CLASP1: variants seen among roughly 807,000 people sequenced by gnomAD.
CLASP1 encodes CLIP-associating protein 1.
A neutral mutation model predicts 192.3 loss-of-function variants in CLASP1; 38 were observed. That is an observed-to-expected ratio of 0.20 (90% CI 0.15 to 0.26). The LOEUF (loss-of-function observed/expected upper bound fraction) is 0.26, where lower values mean the gene tolerates loss of function less well. Ranked by LOEUF, CLASP1 falls within the 10% of genes least tolerant of loss-of-function variation. The pLI is 1.00. For synonymous variants in CLASP1, 691 were observed against 712.8 expected (o/e 0.97, Z 0.49); for missense variants, 1,433 against 1,932.5 (o/e 0.74, Z 4.85).
chr2:121,465,431 G>C (rs1478294481), intron 9 of CLASP1, among the ~76,000 whole-genome samples: 1 of 152,124 alleles, frequency 6.6e-6, no homozygotes, highest in Non-Finnish European at 1.5e-5. Flanking sequence ...TTGCTTCAAA[G>C]ATAATAAAAT....
chr2:121,430,818 G>C (rs772636714), intron 19 of CLASP1, among the ~76,000 whole-genome samples: 2 of 152,158 alleles, frequency 1.3e-5, no homozygotes, highest in South Asian at 4.2e-4. Flanking sequence ...TCAGTATTAG[G>C]AGTACCTAGA....
At chr2:121,554,983 A>C (rs2058406257) in intron 2 of CLASP1, among the ~76,000 whole-genome samples, 1 of 152,178 alleles carries the variant, frequency 6.6e-6, no homozygotes, top group African/African-American at 2.4e-5. Context: ...CCTGCCCCAA[A>C]CAAGTATTTC....
intron 2 of CLASP1, among the ~76,000 whole-genome samples, chr2:121,574,775 A>G (rs1225738942): frequency 6.6e-6 from 1 of 152,114 alleles, no homozygotes; most frequent in East Asian, 1.9e-4. Context: ...TGTCTCTACT[A>G]GAAATACAAA....
chr2:121,447,669 G>C (rs1002973514), intron 18 of CLASP1, among the ~76,000 whole-genome samples, 162 bp from the exon 19 acceptor site: 1 of 152,214 alleles, frequency 6.6e-6, no homozygotes, highest in African/African-American at 2.4e-5. Context: ...TCCCTGAAGA[G>C]AGTTCAGGCA....
intron 7 of CLASP1, among the ~76,000 whole-genome samples, chr2:121,507,687 C>G (rs930252913): frequency 9.2e-5 from 14 of 152,092 alleles, no homozygotes; most frequent in Non-Finnish European, 5.9e-5. Flanking sequence ...CTACTCCAAA[C>G]AGGATAAACT....
intron 2 of CLASP1, among the ~76,000 whole-genome samples, chr2:121,554,454 TAAAAAAAAAAAAA>T (rs56965310): frequency 2.5e-4 from 22 of 87,534 alleles, no homozygotes; most frequent in African/African-American, 8.4e-4. Context: ...CTACAAAAAG[TAAAAAAAAAAAAA>T]AAAAAAAAAA....
chr2:121,397,389 T>A, intron 29 of CLASP1, 106 bp from the exon 31 acceptor site: 2 of 914,780 alleles, frequency 2.2e-6, no homozygotes, highest in Non-Finnish European at 3.3e-6. Flanking sequence ...GGGGATCTCC[T>A]TCCTTTCTCC....
intron 2 of CLASP1, among the ~76,000 whole-genome samples, chr2:121,551,273 C>T (rs987881950): frequency 2.6e-5 from 4 of 152,164 alleles, no homozygotes; most frequent in African/African-American, 9.7e-5. Flanking sequence ...TAGAAGCATT[C>T]CCCTTGAAAA....
intron 1 of CLASP1, among the ~76,000 whole-genome samples, chr2:121,620,183 T>C (rs192974414): frequency 0.012 from 1,749 of 149,210 alleles, 22 homozygotes; most frequent in African/African-American, 0.041. Context: ...ATCGTGCCGC[T>C]GCACTCCAGC....
chr2:121,470,177 C>T lies in CLASP1; in HGVS notation c.713-217G>A, dbSNP rs1366339988. On this transcript the variant is annotated intron_variant, in intron 8 of 39. Coordinates refer to ENST00000263710, the Ensembl canonical transcript of CLASP1. ...TACTTGCTTTCACATACCCAGAATA[C>T]TTTTGCACTCAAATTTTGAAAAATA... is the stretch of plus-strand genomic sequence containing the variant. 6.5e-6 allele frequency: 4 copies of T among 612,732 alleles called. No individual in the cohort carries two copies. The Admixed American group carries it at 8.6e-5, about 13-fold the overall frequency. The allele number at this position is 612,732 out of a possible 1,614,324, so 38.0% of individuals were successfully genotyped here. A position where few individuals can be genotyped will look rare whatever the true frequency, so the allele number is the denominator to read the frequency against.
chr2:121,347,016 G>T, intron 39 of CLASP1, 22 bp downstream of exon 40: 2 of 1,442,836 alleles, frequency 1.4e-6, no homozygotes, highest in Non-Finnish European at 1.9e-6. Flanking sequence ...GTGCGTATCA[G>T]CCCAGGTAAC....
intron 8 of CLASP1, among the ~76,000 whole-genome samples, chr2:121,485,311 G>C (rs1386003285): frequency 6.6e-6 from 1 of 152,168 alleles, no homozygotes; most frequent in Non-Finnish European, 1.5e-5. Context: ...CAGGAAAAGG[G>C]GCCCTACAAA....
At chr2:121,646,703 A>T (rs561608036) in intron 1 of CLASP1, among the ~76,000 whole-genome samples, 2 of 152,206 alleles carry the variant, frequency 1.3e-5, no homozygotes. Context: ...ATAAATCAAG[A>T]CACTAAGCTA....
At position 121,535,094 on chromosome 2, in the gene CLASP1, G is replaced by A. The variant is rs552716524; in HGVS notation, c.196-4769C>T. The stretch of plus-strand genomic sequence containing the variant: ...GGAGTTCAAGACTAGCCTGGGCAAC[G>A]TGGCGAAATGCCACCTCTACGAAAA... On this transcript the variant is annotated intron_variant, in intron 2 of 39. Transcript: ENST00000263710. Among the ~76,000 whole-genome samples the A allele has an allele frequency of 1.6e-3, 242 of 152,274 alleles. 1 individual carries two copies. Among genetic ancestry groups the A allele is most frequent in the African/African-American group, 5.7e-3 (236 of 41,564 alleles).
intron 1 of CLASP1, among the ~76,000 whole-genome samples, chr2:121,637,028 T>C (rs2071008094): frequency 6.6e-6 from 1 of 152,164 alleles, no homozygotes; most frequent in Admixed American, 6.5e-5. Flanking sequence ...CAGAGTGATG[T>C]CCACTCCTCA....
At chr2:121,565,497 T>C (rs2059423274) in intron 2 of CLASP1, among the ~76,000 whole-genome samples, 1 of 152,166 alleles carries the variant, frequency 6.6e-6, no homozygotes, top group South Asian at 2.1e-4. Flanking sequence ...TTTTAAACCC[T>C]CTCTAAATGA....
At chr2:121,431,913 G>A (rs1183888069) in intron 19 of CLASP1, among the ~76,000 whole-genome samples, 4 of 151,808 alleles carry the variant, frequency 2.6e-5, no homozygotes, top group African/African-American at 4.8e-5. Flanking sequence ...GATAAAGAAC[G>A]GATATACTTT....
intron 1 of CLASP1, among the ~76,000 whole-genome samples, chr2:121,611,759 TGGA>T (rs1288937666): frequency 1.1e-4 from 12 of 107,822 alleles, no homozygotes; most frequent in African/African-American, 2.1e-4. Flanking sequence ...AAAGAGGAAC[TGGA>T]GGAGGAGGAG....
chr2:121,420,955 C>T (rs1239228781), intron 22 of CLASP1, among the ~76,000 whole-genome samples: 1 of 152,204 alleles, frequency 6.6e-6, no homozygotes, highest in Non-Finnish European at 1.5e-5. Context: ...AGGTTTACCC[C>T]CCTCCGGTAT....
Sources: allele counts gnomAD v4.1 joint callset (sites outside exome capture counted in the v4.1 genomes callset), GRCh38; gene constraint gnomAD v4.1.1; transcripts MANE v1.5; gene names NCBI Gene and HGNC (gene_info 2026-07-23, HGNC 2026-07-21).